The following ZFAND6 variants were observed in gnomAD, a reference collection of about 807,000 sequenced individuals.
The protein encoded by ZFAND6 is AN1-type zinc finger protein 6.
Under a neutral mutation model 24.5 loss-of-function variants are expected in ZFAND6, and 12 were observed. The ratio of observed to expected loss-of-function variants is 0.49; its 90% CI spans 0.31 to 0.79. The LOEUF is 0.79. Among genes scored for constraint, ZFAND6 ranks in the 30% least tolerant of loss-of-function variants. The pLI is 0.04. For missense variants in ZFAND6, 207 were observed against 245.9 expected, an observed-to-expected ratio of 0.84 and a Z score of 1.06; for synonymous variants, 92 against 81.5, an observed-to-expected ratio of 1.13 and a Z score of -0.69.
At chr15:80,094,462 G>A (rs142448892) in intron 1 of ZFAND6, among the ~76,000 whole-genome samples, 71 of 114,986 alleles carry the variant, frequency 6.2e-4, no homozygotes, top group African/African-American at 2.2e-3. Flanking sequence ...AAATCATCCC[G>A]CCCACCCCTA....
At chr15:80,116,341 T>G (rs904701343) in intron 2 of ZFAND6, among the ~76,000 whole-genome samples, 2 of 152,212 alleles carry the variant, frequency 1.3e-5, no homozygotes, top group Non-Finnish European at 2.9e-5. Flanking sequence ...AGGGCTTTTG[T>G]GTGTGAGAGT....
intron 1 of ZFAND6, among the ~76,000 whole-genome samples, chr15:80,070,868 A>C (rs1221975935): frequency 6.6e-6 from 1 of 152,074 alleles, no homozygotes; most frequent in Admixed American, 6.6e-5. Context: ...CTTATGCTGT[A>C]ATTCAAACTG....
intron 4 of ZFAND6, among the ~76,000 whole-genome samples, chr15:80,122,105 T>G (rs2040173016): frequency 6.6e-6 from 1 of 152,176 alleles, no homozygotes; most frequent in African/African-American, 2.4e-5. Flanking sequence ...AAGTGAAATG[T>G]TAGTCTTATT....
At chr15:80,112,464 C>T (rs1291907960) in intron 2 of ZFAND6, among the ~76,000 whole-genome samples, 1 of 152,024 alleles carries the variant, frequency 6.6e-6, no homozygotes, top group African/African-American at 2.4e-5. Flanking sequence ...GTGGCGTGAT[C>T]TTGGCTCACT....
chr15:80,112,810 G>A (rs2039676795), intron 2 of ZFAND6: 2 of 455,940 alleles, frequency 4.4e-6, no homozygotes, highest in Middle Eastern at 3.2e-4. Context: ...CGGAATTACT[G>A]TATGCAACAG....
At chr15:80,133,826 G>A (rs909303513) in intron 6 of ZFAND6, among the ~76,000 whole-genome samples, 2 of 152,144 alleles carry the variant, frequency 1.3e-5, no homozygotes, top group African/African-American at 4.8e-5. Context: ...GCTAACCCGA[G>A]TCTTGAAGGG....
rs558803516 is a variant in ZFAND6 at position 80,089,694 on chromosome 15, G to A, written c.-180-8722G>A. ...CTCCATTGCCTGTGGAAATGGAATAGCTTTCCTTGTAATACTGCCTGAGCT... is the reference window on the plus strand; with the variant it reads ...CTCCATTGCCTGTGGAAATGGAATAACTTTCCTTGTAATACTGCCTGAGCT... On this transcript the variant is annotated intron_variant, in intron 1 of 6. Coordinates refer to ENST00000261749, the MANE Select transcript of ZFAND6 (RefSeq NM_019006.4). Among the ~76,000 whole-genome samples, 4 of 152,254 alleles carry A rather than the reference G, an allele frequency of 2.6e-5. No individual in the cohort carries two copies. In the East Asian group the frequency reaches 7.7e-4, roughly 29 times the overall value.
chr15:80,106,554 AACC>A (rs1234604248), intron 2 of ZFAND6, among the ~76,000 whole-genome samples: 1 of 151,824 alleles, frequency 6.6e-6, no homozygotes, highest in Non-Finnish European at 1.5e-5. Context: ...ACTCTGAAAA[AACC>A]AAATAATTTT....
At chr15:80,087,325 G>A (rs2038065958) in intron 1 of ZFAND6, among the ~76,000 whole-genome samples, 1 of 152,216 alleles carries the variant, frequency 6.6e-6, no homozygotes, top group Non-Finnish European at 1.5e-5. Flanking sequence ...AATCGGTGTG[G>A]TCAGTCTTTT....
At chr15:80,123,550 C>T (rs891307317) in intron 5 of ZFAND6, among the ~76,000 whole-genome samples, 1 of 152,212 alleles carries the variant, frequency 6.6e-6, no homozygotes, top group Non-Finnish European at 1.5e-5. Flanking sequence ...CTTCATTGCA[C>T]ATGGTGTTCA....
chr15:80,077,123 G>A (rs2141838798), intron 1 of ZFAND6, among the ~76,000 whole-genome samples: 2 of 152,338 alleles, frequency 1.3e-5, no homozygotes, highest in African/African-American at 4.8e-5. Context: ...ATTAGGCAAA[G>A]TGCAAAAGCA....
At chr15:80,083,612 T>G (rs916429531) in intron 1 of ZFAND6, among the ~76,000 whole-genome samples, 2 of 152,168 alleles carry the variant, frequency 1.3e-5, no homozygotes, top group African/African-American at 4.8e-5. Context: ...TGGAGATGAT[T>G]AAGCATGGAA....
intron 6 of ZFAND6, among the ~76,000 whole-genome samples, chr15:80,135,729 A>G (rs1177925345): frequency 1.3e-5 from 2 of 151,038 alleles, no homozygotes; most frequent in Non-Finnish European, 3.0e-5. Context: ...CAGGCCAGGA[A>G]TTCGGGACCA....
At chr15:80,062,430 T>G (rs767175115) in intron 1 of ZFAND6, among the ~76,000 whole-genome samples, 2 of 152,230 alleles carry the variant, frequency 1.3e-5, no homozygotes, top group Non-Finnish European at 2.9e-5. Flanking sequence ...ACAAGGTGTG[T>G]TTCCCGAGGA....
At chr15:80,067,313 A>G (rs1002774657) in intron 1 of ZFAND6, among the ~76,000 whole-genome samples, 2 of 151,916 alleles carry the variant, frequency 1.3e-5, no homozygotes, top group African/African-American at 4.8e-5. Flanking sequence ...ACTTTTCTTC[A>G]TTATTTCTAC....
chr15:80,126,132 T>C (rs984841295), intron 5 of ZFAND6, among the ~76,000 whole-genome samples: 8 of 152,320 alleles, frequency 5.3e-5, no homozygotes, highest in African/African-American at 1.7e-4. Context: ...AGGAATGCTG[T>C]GCTTAGTGAC....
intron 1 of ZFAND6, among the ~76,000 whole-genome samples, chr15:80,074,035 A>T (rs759826510): frequency 3.3e-5 from 5 of 151,966 alleles, no homozygotes; most frequent in Non-Finnish European, 7.4e-5. Flanking sequence ...TTTTCTAAAA[A>T]GTTATACCAG....
At chr15:80,119,149 A>G (rs1177578118) in intron 2 of ZFAND6, among the ~76,000 whole-genome samples, 1 of 152,164 alleles carries the variant, frequency 6.6e-6, no homozygotes, top group East Asian at 1.9e-4. Context: ...TATGGGAGAA[A>G]TGGCACATGG....
chr15:80,091,241 A>C (rs2038348810), intron 1 of ZFAND6, among the ~76,000 whole-genome samples: 1 of 151,702 alleles, frequency 6.6e-6, no homozygotes, highest in African/African-American at 2.4e-5. Context: ...TTTATATCAG[A>C]ATGGGGTGAG....
Sources: gnomAD v4.1 joint callset for allele counts (sites outside exome capture counted in the v4.1 genomes callset) on GRCh38, gnomAD v4.1.1 for gene constraint, MANE v1.5 for transcripts, NCBI Gene and HGNC (gene_info 2026-07-23, HGNC 2026-07-21) for gene names.